Variants in DOCK7 observed in about 807,000 individuals in gnomAD.
The protein encoded by DOCK7 is dedicator of cytokinesis 7, also known as dedicator of cytokinesis protein 7.
A neutral mutation model predicts 271.0 loss-of-function variants in DOCK7; 138 were observed. The ratio of observed to expected loss-of-function variants is 0.51; its 90% CI spans 0.44 to 0.59. The LOEUF (loss-of-function observed/expected upper bound fraction) is 0.59. Ranked by LOEUF, DOCK7 falls within the 20% of genes least tolerant of loss-of-function variation. The pLI, the probability that DOCK7 is intolerant of heterozygous loss-of-function variation, is 0.00. For missense variants in DOCK7, 2,066 were observed against 2,592.4 expected, an observed-to-expected ratio of 0.80 and a Z score of 4.41; for synonymous variants, 823 against 876.1, an observed-to-expected ratio of 0.94 and a Z score of 1.07.
intron 48 of DOCK7, among the ~76,000 whole-genome samples, chr1:62,467,626 A>G (rs1199046353): frequency 6.6e-6 from 1 of 152,238 alleles, no homozygotes; most frequent in Non-Finnish European, 1.5e-5. Flanking sequence ...TGTCAGACAG[A>G]AATTATGATA....
intron 14 of DOCK7, chr1:62,602,189 A>G: frequency 9.8e-7 from 1 of 1,020,566 alleles, no homozygotes; most frequent in South Asian, 1.4e-5. Flanking sequence ...ACTACCTTAC[A>G]AAACCACCAA....
chr1:62,559,402 T>G (rs1173712500), intron 19 of DOCK7, among the ~76,000 whole-genome samples, 182 bp from the exon 20 acceptor site: 2 of 152,182 alleles, frequency 1.3e-5, no homozygotes, highest in Non-Finnish European at 2.9e-5. Flanking sequence ...AAATGATCAC[T>G]TCAAATACTA....
chr1:62,582,273 G>A (rs956033936), intron 16 of DOCK7, among the ~76,000 whole-genome samples: 3 of 152,036 alleles, frequency 2.0e-5, no homozygotes, highest in Non-Finnish European at 4.4e-5. Flanking sequence ...AAAAGAGGCC[G>A]GGCGCGGTGG....
chr1:62,669,759 C>T (rs1267978455), intron 1 of DOCK7, among the ~76,000 whole-genome samples: 1 of 152,266 alleles, frequency 6.6e-6, no homozygotes, highest in African/African-American at 2.4e-5. Flanking sequence ...GCTCTCGGCA[C>T]CTCCCCTGCC....
intron 31 of DOCK7, among the ~76,000 whole-genome samples, chr1:62,518,181 A>T (rs1460656734): frequency 6.6e-6 from 1 of 152,186 alleles, no homozygotes; most frequent in Non-Finnish European, 1.5e-5. Flanking sequence ...CATGCCTGTA[A>T]TCCCAGCACT....
chr1:62,547,085 T>G (rs954423090), intron 22 of DOCK7, among the ~76,000 whole-genome samples: 1 of 152,182 alleles, frequency 6.6e-6, no homozygotes, highest in Non-Finnish European at 1.5e-5. Flanking sequence ...AATAATTTCC[T>G]TTAAAACTAC....
chr1:62,577,678 T>C (rs555091853), intron 17 of DOCK7, among the ~76,000 whole-genome samples: 2 of 152,256 alleles, frequency 1.3e-5, no homozygotes, highest in Non-Finnish European at 1.5e-5. Context: ...GAGATAATCA[T>C]TTCAATGTAA....
At chr1:62,634,662 G>C in intron 9 of DOCK7, 111 bp downstream of exon 9, 1 of 1,151,432 alleles carries the variant, frequency 8.7e-7, no homozygotes, top group Non-Finnish European at 1.2e-6. Flanking sequence ...AGAATATCAA[G>C]ATGAAAAAAA....
At chr1:62,676,471 T>C (rs1044982067) in intron 1 of DOCK7, among the ~76,000 whole-genome samples, 1 of 152,242 alleles carries the variant, frequency 6.6e-6, no homozygotes, top group Admixed American at 6.5e-5. Context: ...GCTGTTAATT[T>C]ACTAAAAATC....
At chr1:62,624,868 G>A (rs1185850232) in intron 12 of DOCK7, among the ~76,000 whole-genome samples, 1 of 152,068 alleles carries the variant, frequency 6.6e-6, no homozygotes, top group Non-Finnish European at 1.5e-5. Context: ...CTACTCAGGA[G>A]GCTGAGGCAG....
At chr1:62,658,954 A>C (rs1161495547) in intron 2 of DOCK7, among the ~76,000 whole-genome samples, 2 of 151,604 alleles carry the variant, frequency 1.3e-5, no homozygotes, top group Non-Finnish European at 2.9e-5. Context: ...CCCCTGTCTC[A>C]AAAGAGAAAA....
intron 1 of DOCK7, among the ~76,000 whole-genome samples, chr1:62,668,623 T>C (rs143099643): frequency 1.3e-5 from 2 of 152,354 alleles, no homozygotes; most frequent in East Asian, 1.9e-4. Flanking sequence ...GCTTCAGCAG[T>C]GGCTCATGCC....
chr1:62,634,967 C>A (rs1223795947), intron 8 of DOCK7, 45 bp from the exon 9 acceptor site: 4 of 1,382,526 alleles, frequency 2.9e-6, no homozygotes, highest in Non-Finnish European at 4.0e-6. Flanking sequence ...GTACATTTTA[C>A]AGTGTCTATT....
chr1:62,586,617 G>A lies in DOCK7; in HGVS notation c.1690C>T (p.Leu564Phe), dbSNP rs1647565613. 1 of 1,594,990 alleles carries A rather than the reference G, an allele frequency of 6.3e-7. No homozygotes were observed. Among genetic ancestry groups the A allele is most frequent in the East Asian group, 2.2e-5 (1 of 44,634 alleles). ...TTAAGACTCTGAGGGTATATGTAGAGAAGATTTCTGTGAAAGCAACAGTAT... is the reference window on the plus strand; with the variant it reads ...TTAAGACTCTGAGGGTATATGTAGAAAAGATTTCTGTGAAAGCAACAGTAT... ...YVPNTTYRNL[L>F]YIYPQSLNFA... Residue 564 changes from leucine (L) to phenylalanine (F), a missense_variant, in exon 15 of 50, where the codon CTC becomes TTC. Physicochemically the swap from Leu to Phe is conservative, Grantham distance 22. This residue lies in a region of DOCK7 where 1,414 missense variants were observed against 1,670.4 expected (regional missense o/e 0.85). Transcript: ENST00000635253.
chr1:62,594,293 G>A (rs1044488148), intron 14 of DOCK7, among the ~76,000 whole-genome samples: 2 of 151,974 alleles, frequency 1.3e-5, no homozygotes, highest in African/African-American at 2.4e-5. Flanking sequence ...ATTTTCCCAC[G>A]TTGAAATGCT....
intron 18 of DOCK7, among the ~76,000 whole-genome samples, chr1:62,575,410 C>T (rs929762675): frequency 2.0e-5 from 3 of 152,114 alleles, no homozygotes; most frequent in Admixed American, 6.6e-5. Flanking sequence ...TCCACTTCTA[C>T]TTAGTGATAG....
At chr1:62,471,873 C>T (rs912040730) in intron 48 of DOCK7, among the ~76,000 whole-genome samples, 6 of 151,970 alleles carry the variant, frequency 3.9e-5, no homozygotes, top group Admixed American at 2.0e-4. Context: ...ATTATGACTA[C>T]AGTATATTAA....
chr1:62,476,192 T>A, intron 44 of DOCK7, 36 bp from the exon 45 acceptor site: 1 of 1,571,500 alleles, frequency 6.4e-7, no homozygotes, highest in Non-Finnish European at 8.7e-7. Context: ...TATATGAAGT[T>A]AAAAAGACTG....
At chr1:62,493,726 A>C (rs999273109) in intron 40 of DOCK7, among the ~76,000 whole-genome samples, 51 of 152,308 alleles carry the variant, frequency 3.3e-4, no homozygotes, top group African/African-American at 1.2e-3. Flanking sequence ...CATTTAACTA[A>C]ATTTTATAAT....
Sources: gnomAD v4.1 joint callset for allele counts (sites outside exome capture counted in the v4.1 genomes callset) on GRCh38, gnomAD v4.1.1 for gene constraint, gnomAD v4.1.1 regional missense constraint, MANE v1.5 for transcripts, NCBI Gene and HGNC (gene_info 2026-07-23, HGNC 2026-07-21) for gene names.